Variants in DNAJB6 observed in about 807,000 individuals in gnomAD.
DNAJB6 encodes DnaJ heat shock protein family (Hsp40) member B6.
A neutral mutation model predicts 42.7 loss-of-function variants in DNAJB6; 16 were observed. The ratio of observed to expected loss-of-function variants is 0.37; its 90% CI spans 0.25 to 0.57. The LOEUF (loss-of-function observed/expected upper bound fraction) is 0.57, where lower values mean the gene tolerates loss of function less well. DNAJB6 is among the 20% of genes least tolerant of loss of function. The pLI, the probability that DNAJB6 is intolerant of heterozygous loss-of-function variation, is 0.74. For missense variants in DNAJB6, 347 were observed against 416.8 expected, an observed-to-expected ratio of 0.83 and a Z score of 1.46; for synonymous variants, 170 against 163.5, an observed-to-expected ratio of 1.04 and a Z score of -0.30.
At chr7:157,357,357 T>C (rs1381917447) in intron 1 of DNAJB6, among the ~76,000 whole-genome samples, 2 of 143,712 alleles carry the variant, frequency 1.4e-5, no homozygotes, top group Non-Finnish European at 3.0e-5. Flanking sequence ...TCCGGTGGCA[T>C]GGGCTGGAGT....
At chr7:157,358,183 A>G (rs1368321960) in intron 1 of DNAJB6, among the ~76,000 whole-genome samples, 2 of 152,216 alleles carry the variant, frequency 1.3e-5, no homozygotes, top group Non-Finnish European at 2.9e-5. Context: ...TGAATGAAAG[A>G]GGTAACTGAC....
At chr7:157,377,519 A>G (rs1800532190) in intron 5 of DNAJB6, among the ~76,000 whole-genome samples, 1 of 152,038 alleles carries the variant, frequency 6.6e-6, no homozygotes, top group African/African-American at 2.4e-5. Flanking sequence ...GTGTATTACA[A>G]GGAAGGTGCT....
intron 9 of DNAJB6, chr7:157,410,389 C>T (rs1318722000): frequency 5.3e-6 from 2 of 379,012 alleles, no homozygotes; most frequent in Non-Finnish European, 9.3e-6. Flanking sequence ...TGCGTTTGCC[C>T]CTGCCCCTCC....
chr7:157,409,764 C>T (rs1383365457), intron 8 of DNAJB6, 31 bp from the exon 9 acceptor site: 7 of 1,501,034 alleles, frequency 4.7e-6, no homozygotes, highest in Non-Finnish European at 5.3e-6. Context: ...GCCGCTCACT[C>T]ACGGCTCTCT....
intron 8 of DNAJB6, among the ~76,000 whole-genome samples, chr7:157,400,648 G>A (rs554505916): frequency 1.3e-5 from 2 of 152,350 alleles, no homozygotes; most frequent in South Asian, 4.1e-4. Context: ...CAGGCTCACC[G>A]CCGGGGCTCT....
intron 2 of DNAJB6, among the ~76,000 whole-genome samples, chr7:157,362,325 T>C (rs1357888401): frequency 6.6e-6 from 1 of 152,082 alleles, no homozygotes; most frequent in Non-Finnish European, 1.5e-5. Flanking sequence ...TGGAAGGATA[T>C]GAATGGTGAT....
At chr7:157,367,555 C>T (rs1799904726) in intron 5 of DNAJB6, 72 bp downstream of exon 5, 1 of 940,570 alleles carries the variant, frequency 1.1e-6, no homozygotes, top group Middle Eastern at 2.1e-4. Context: ...TATGGCCTTT[C>T]TGTTGAATTA....
intron 8 of DNAJB6, among the ~76,000 whole-genome samples, chr7:157,398,328 G>A (rs1801693515): frequency 6.6e-6 from 1 of 152,334 alleles, no homozygotes; most frequent in Middle Eastern, 3.4e-3. Flanking sequence ...CAGTGTGTGA[G>A]TGGTATTCCT....
At chr7:157,403,490 T>C (rs1314462830) in intron 8 of DNAJB6, among the ~76,000 whole-genome samples, 1 of 152,110 alleles carries the variant, frequency 6.6e-6, no homozygotes, top group Non-Finnish European at 1.5e-5. Context: ...TTTTGAGACA[T>C]TGTCTCATTC....
rs187917089 is a variant in DNAJB6 at position 157,360,032 on chromosome 7, A to G, written c.65+1395A>G. Among the ~76,000 whole-genome samples the G allele has an allele frequency of 1.8e-4, 27 of 152,348 alleles. No individual in the cohort carries two copies. In the East Asian group the frequency reaches 5.2e-3, roughly 29 times the overall value. On this transcript the variant is annotated intron_variant, in intron 2 of 9. Transcript: ENST00000262177. Reference sequence around the variant, plus strand: ...TAATGTTAACAGCCAGGCATACTTGACAGATTATAAGACGAAGACAGTTGG... The same window carrying G: ...TAATGTTAACAGCCAGGCATACTTGGCAGATTATAAGACGAAGACAGTTGG...
chr7:157,372,874 C>T (rs576805755), intron 5 of DNAJB6, among the ~76,000 whole-genome samples: 1 of 152,320 alleles, frequency 6.6e-6, no homozygotes, highest in East Asian at 1.9e-4. Flanking sequence ...CTTCTCCCTA[C>T]ATTTGCAGAC....
chr7:157,367,007 C>T (rs528531350), intron 4 of DNAJB6, among the ~76,000 whole-genome samples: 10 of 152,304 alleles, frequency 6.6e-5, no homozygotes, highest in Admixed American at 1.3e-4. Context: ...TGGGGCCACG[C>T]GGCAGCTTCT....
intron 1 of DNAJB6, 119 bp downstream of exon 1, chr7:157,337,263 G>T (rs1798086017): frequency 6.6e-6 from 1 of 152,104 alleles, no homozygotes; most frequent in Non-Finnish European, 1.5e-5. Flanking sequence ...TCGCCGGCCG[G>T]GGAAAGGACT....
intron 8 of DNAJB6, among the ~76,000 whole-genome samples, chr7:157,390,038 G>A (rs1356065939): frequency 6.6e-6 from 1 of 152,242 alleles, no homozygotes; most frequent in Non-Finnish European, 1.5e-5. Flanking sequence ...GTCCTGTGAA[G>A]GCAGTAATTC....
intron 9 of DNAJB6, 88 bp from the exon 10 acceptor site, chr7:157,415,928 C>T: frequency 1.3e-6 from 2 of 1,599,980 alleles, no homozygotes; most frequent in South Asian, 1.1e-5. Context: ...TTGTTCTTAA[C>T]ATGGGGAGAT....
intron 9 of DNAJB6, chr7:157,414,596 G>T (rs539471721): frequency 8.4e-6 from 1 of 118,810 alleles, no homozygotes; most frequent in East Asian, 2.4e-4. Context: ...ACGCTTGGCG[G>T]TTCTGAACGC....
chr7:157,341,495 A>G (rs1798377863), intron 1 of DNAJB6, among the ~76,000 whole-genome samples: 1 of 152,222 alleles, frequency 6.6e-6, no homozygotes, highest in South Asian at 2.1e-4. Flanking sequence ...TACACTACAT[A>G]TGATTTTTCC....
At chr7:157,392,873 CTGTG>C (rs1253012737) in intron 8 of DNAJB6, among the ~76,000 whole-genome samples, 1 of 152,198 alleles carries the variant, frequency 6.6e-6, no homozygotes. Flanking sequence ...GGAATGCCGT[CTGTG>C]TGTGTTTTCT....
At chr7:157,345,101 C>T (rs923583853) in intron 1 of DNAJB6, among the ~76,000 whole-genome samples, 5 of 151,940 alleles carry the variant, frequency 3.3e-5, no homozygotes, top group African/African-American at 7.3e-5. Flanking sequence ...TCAAGTGATT[C>T]TCCTGCCTCA....
Sources: gnomAD v4.1 joint callset for allele counts (sites outside exome capture counted in the v4.1 genomes callset) on GRCh38, gnomAD v4.1.1 for gene constraint, MANE v1.5 for transcripts, NCBI Gene and HGNC (gene_info 2026-07-23, HGNC 2026-07-21) for gene names.